PDE5A: variants seen among roughly 807,000 people sequenced by gnomAD.
PDE5A encodes cGMP-specific 3',5'-cyclic phosphodiesterase.
Under a neutral mutation model 110.2 loss-of-function variants are expected in PDE5A, and 67 were observed. The ratio of observed to expected loss-of-function variants is 0.61; its 90% confidence interval spans 0.50 to 0.75. PDE5A has a LOEUF of 0.75. PDE5A is among the 30% of genes least tolerant of loss of function. The pLI is 0.00. For missense variants in PDE5A, 862 were observed against 1,045.1 expected, an observed-to-expected ratio of 0.82 and a Z score of 2.42; for synonymous variants, 328 against 351.2, an observed-to-expected ratio of 0.93 and a Z score of 0.74.
At chr4:119,529,389 C>T (rs1353033759) in intron 11 of PDE5A, among the ~76,000 whole-genome samples, 1 of 152,150 alleles carries the variant, frequency 6.6e-6, no homozygotes, top group East Asian at 1.9e-4. Context: ...TCTTCATCTT[C>T]CGAAGAGGCT....
intron 3 of PDE5A, among the ~76,000 whole-genome samples, chr4:119,594,170 C>T (rs935537836): frequency 2.6e-5 from 4 of 151,950 alleles, no homozygotes; most frequent in African/African-American, 4.8e-5. Flanking sequence ...TCATCCTCAC[C>T]GGCAGTCATA....
chr4:119,521,195 C>T, intron 12 of PDE5A, 135 bp from the exon 13 acceptor site: 2 of 911,302 alleles, frequency 2.2e-6, no homozygotes, highest in Non-Finnish European at 3.2e-6. Context: ...AGAAAACTGA[C>T]ACTCAGAGAG....
intron 13 of PDE5A, 25 bp downstream of exon 13, chr4:119,520,910 A>G (rs200275332): frequency 5.0e-6 from 8 of 1,593,276 alleles, no homozygotes; most frequent in Non-Finnish European, 6.8e-6. Flanking sequence ...AATGTATTAG[A>G]TATATGAATG....
At chr4:119,601,500 C>G (rs1729347523) in intron 2 of PDE5A, among the ~76,000 whole-genome samples, 1 of 151,882 alleles carries the variant, frequency 6.6e-6, no homozygotes, top group African/African-American at 2.4e-5. Flanking sequence ...TTGGCTGCTC[C>G]TGAGTTGTAT....
At chr4:119,573,168 T>C (rs1418324696) in intron 3 of PDE5A, among the ~76,000 whole-genome samples, 1 of 152,210 alleles carries the variant, frequency 6.6e-6, no homozygotes, top group East Asian at 1.9e-4. Flanking sequence ...GAATGGATGT[T>C]TGGGTTGTTT....
intron 11 of PDE5A, among the ~76,000 whole-genome samples, chr4:119,530,286 C>T (rs1051375132): frequency 6.6e-6 from 1 of 152,180 alleles, no homozygotes; most frequent in African/African-American, 2.4e-5. Context: ...AAATAATGGT[C>T]TGAAAACTAG....
At chr4:119,560,257 A>G (rs1727700002) in intron 7 of PDE5A, 39 bp downstream of exon 7, 1 of 1,143,312 alleles carries the variant, frequency 8.7e-7, no homozygotes, top group Non-Finnish European at 1.3e-6. Context: ...CCAATATTAT[A>G]TCATGTGATA....
intron 14 of PDE5A, among the ~76,000 whole-genome samples, chr4:119,511,798 T>C (rs1362774798): frequency 2.0e-5 from 3 of 152,058 alleles, no homozygotes; most frequent in Non-Finnish European, 4.4e-5. Context: ...TAGAGACCCT[T>C]TGGCTGAGTG....
At chr4:119,587,235 T>G (rs924162576) in intron 3 of PDE5A, among the ~76,000 whole-genome samples, 6 of 151,672 alleles carry the variant, frequency 4.0e-5, no homozygotes, top group Non-Finnish European at 7.4e-5. Context: ...TCCTTTTTTT[T>G]TTTTTTTTTC....
chr4:119,615,028 C>T (rs765369170), intron 1 of PDE5A, among the ~76,000 whole-genome samples: 21 of 152,134 alleles, frequency 1.4e-4, no homozygotes, highest in Non-Finnish European at 2.6e-4. Flanking sequence ...CCAGCTACAA[C>T]ACTACATGGA....
chr4:119,557,834 C>T, intron 7 of PDE5A, among the ~76,000 whole-genome samples: 1 of 152,178 alleles, frequency 6.6e-6, no homozygotes, highest in East Asian at 1.9e-4. Context: ...TTCTTCTACA[C>T]TGTATCCACA....
chr4:119,606,957 C>T lies in PDE5A; in HGVS notation c.493G>A (p.Val165Ile). The T allele has an allele frequency of 6.2e-7, 1 of 1,614,210 alleles. No homozygotes were observed. Among genetic ancestry groups the T allele is most frequent in the Non-Finnish European group, 8.5e-7 (1 of 1,180,018 alleles). Reference sequence around the variant, plus strand: ...AAAATTTTGTGACATAAGGCTGTGACATCCAAATGACTAGAAATATCCTTC... The same window carrying T: ...AAAATTTTGTGACATAAGGCTGTGATATCCAAATGACTAGAAATATCCTTC... Reference protein sequence around the residue: ...LVKDISSHLDVTALCHKIFLH... With the variant: ...LVKDISSHLDITALCHKIFLH... The change falls in exon 2 of 21, where the codon GTC becomes ATC. Residue 165 changes from valine (V) to isoleucine (I), a missense_variant. Transcript: ENST00000354960.
chr4:119,535,005 G>A (rs2715015), intron 11 of PDE5A, among the ~76,000 whole-genome samples: 6,486 of 152,240 alleles, frequency 0.043, 173 homozygotes, highest in Middle Eastern at 0.071. Context: ...AAAATGAGAA[G>A]CTATTTTATA....
chr4:119,606,940 G>A lies in PDE5A; in HGVS notation c.510C>T (p.His170=). 6.2e-7 allele frequency: 1 copy of A among 1,614,216 alleles called. No homozygotes were observed. Among genetic ancestry groups the A allele is most frequent in the Non-Finnish European group, 8.5e-7 (1 of 1,180,032 alleles). ...GTCCATGGATATGCAAGAAAATTTT[G>A]TGACATAAGGCTGTGACATCCAAAT... The part of the protein sequence containing the change: ...SSHLDVTALC[H]KIFLHIHGLI... Residue 170 remains histidine, a synonymous_variant, in exon 2 of 21, where the codon CAC becomes CAT. Transcript: ENST00000354960.
rs1019285538 is a variant in PDE5A, at chr4:119,525,189, C to T, written c.1779+360G>A. Among the ~76,000 whole-genome samples, 2 of 152,086 alleles carry T rather than the reference C, an allele frequency of 1.3e-5. No individual in the cohort carries two copies. Among genetic ancestry groups the T allele is most frequent in the African/African-American group, 4.8e-5 (2 of 41,500 alleles). On this transcript the variant is annotated intron_variant, in intron 12 of 20. Transcript: ENST00000354960. This position sits in a 1 kb window ranked among gnomAD's most constrained non-coding sequence, Gnocchi z 4.3. ...TTCATCTGTACGGCTTACAAGGTTC[C>T]GTATCATTTGCTTCTCACCTTCTTC...
At chr4:119,623,515 G>A (rs889024991) in intron 1 of PDE5A, among the ~76,000 whole-genome samples, 3 of 152,164 alleles carry the variant, frequency 2.0e-5, no homozygotes, top group African/African-American at 7.2e-5. Flanking sequence ...CAAATCTAGA[G>A]GAAGGGGTGC....
chr4:119,502,119 C>G (rs77408616), intron 19 of PDE5A, among the ~76,000 whole-genome samples: 4,455 of 152,124 alleles, frequency 0.029, 216 homozygotes, highest in African/African-American at 0.1. Context: ...CTTTCTCTGT[C>G]AGCCACAGCT....
Position 119,562,877 on chromosome 4 carries a change from G to A in PDE5A, c.1087C>T (p.Gln363Ter). 6.3e-7 allele frequency: 1 copy of A among 1,595,310 alleles called. No individual in the cohort carries two copies. Among genetic ancestry groups the A allele is most frequent in the Non-Finnish European group, 8.5e-7 (1 of 1,172,146 alleles). Residue 363 changes from glutamine (Q) to a stop codon, truncating the protein, a stop_gained, in exon 6 of 21, where the codon CAA (glutamine) becomes TAA (stop). Coordinates refer to ENST00000354960, the MANE Select transcript of PDE5A (RefSeq NM_001083.4). LOFTEE classifies it high-confidence loss of function. ...KIAATIISFMQVQKCTIFIVD... is the reference protein window; with the variant it reads ...KIAATIISFM ...ATGAAAATGGTGCATTTCTGCACTT[G>A]CATGAAAGAGATAATAGTGGCAGCT...
intron 2 of PDE5A, among the ~76,000 whole-genome samples, chr4:119,599,748 CAT>C (rs1378534624): frequency 3.5e-4 from 52 of 146,614 alleles, no homozygotes; most frequent in African/African-American, 1.3e-3. Context: ...CACACACACA[CAT>C]ACATATATTT....
Sources: allele counts gnomAD v4.1 joint callset (sites outside exome capture counted in the v4.1 genomes callset), GRCh38; gene constraint gnomAD v4.1.1; non-coding constraint Gnocchi (gnomAD v3.1); transcripts MANE v1.5; gene names NCBI Gene and HGNC (gene_info 2026-07-23, HGNC 2026-07-21).